Variants in APP observed in about 807,000 individuals in gnomAD.
APP encodes the protein amyloid beta precursor protein, also known as amyloid-beta precursor protein.
A neutral mutation model predicts 101.4 loss-of-function variants in APP; 31 were observed. That is an observed-to-expected ratio of 0.31 (90% CI 0.23 to 0.41). APP has a LOEUF of 0.41. Among genes scored for constraint, APP ranks in the 10% least tolerant of loss-of-function variants. The pLI, the probability that APP is intolerant of heterozygous loss-of-function variation, is 1.00. For synonymous variants in APP, 366 were observed against 364.4 expected (o/e 1.00, Z -0.05); for missense variants, 839 against 1,003.7 (o/e 0.84, Z 2.22).
intron 2 of APP, among the ~76,000 whole-genome samples, chr21:26,099,518 A>G (rs1011859032): frequency 6.6e-6 from 1 of 152,244 alleles, no homozygotes; most frequent in African/African-American, 2.4e-5. Flanking sequence ...TTCAAAGAGT[A>G]TATTAATCAT....
At chr21:25,927,998 T>G (rs2039972142) in intron 13 of APP, among the ~76,000 whole-genome samples, 1 of 152,078 alleles carries the variant, frequency 6.6e-6, no homozygotes, top group Non-Finnish European at 1.5e-5. Context: ...TCCAACTACA[T>G]TAGGGAGTCT....
At chr21:26,012,574 G>GA (rs2043856538) in intron 6 of APP, among the ~76,000 whole-genome samples, 1 of 152,182 alleles carries the variant, frequency 6.6e-6, no homozygotes, top group South Asian at 2.1e-4. Context: ...TCTGCTTTTG[G>GA]AAACTCATTG....
intron 3 of APP, among the ~76,000 whole-genome samples, chr21:26,062,158 C>G (rs1231321171): frequency 6.6e-6 from 1 of 151,352 alleles, no homozygotes; most frequent in Non-Finnish European, 1.5e-5. Flanking sequence ...TGCAGTGAGC[C>G]AAGATCACAC....
intron 11 of APP, among the ~76,000 whole-genome samples, chr21:25,967,640 T>G (rs1455198358): frequency 1.3e-5 from 2 of 152,208 alleles, no homozygotes; most frequent in Non-Finnish European, 2.9e-5. Flanking sequence ...AGGATCACAT[T>G]AAGTCTAATT....
intron 1 of APP, among the ~76,000 whole-genome samples, chr21:26,118,506 A>G (rs926846131): frequency 9.9e-5 from 15 of 152,152 alleles, no homozygotes; most frequent in Non-Finnish European, 1.6e-4. Context: ...GAGATGTAAA[A>G]AGTTCATCTC....
At chr21:26,026,494 G>A (rs915739758) in intron 5 of APP, among the ~76,000 whole-genome samples, 8 of 152,168 alleles carry the variant, frequency 5.3e-5, no homozygotes, top group Non-Finnish European at 1.2e-4. Flanking sequence ...AGCTGACCTT[G>A]ATATAATTCC....
chr21:25,979,101 G>C (rs2042329199), intron 9 of APP, among the ~76,000 whole-genome samples: 1 of 152,034 alleles, frequency 6.6e-6, no homozygotes, highest in Non-Finnish European at 1.5e-5. Context: ...CTAGATGCTA[G>C]TCACGACATA....
chr21:25,948,957 T>A (rs1024629413), intron 13 of APP, among the ~76,000 whole-genome samples: 11 of 152,200 alleles, frequency 7.2e-5, no homozygotes, highest in Non-Finnish European at 1.5e-4. Context: ...GAAATAATGA[T>A]TCCATCGTTT....
intron 3 of APP, among the ~76,000 whole-genome samples, chr21:26,056,742 A>G (rs2046057972): frequency 6.6e-6 from 1 of 152,220 alleles, no homozygotes; most frequent in Non-Finnish European, 1.5e-5. Flanking sequence ...ATGGTTTTTT[A>G]AAGGATTAAA....
chr21:25,988,702 C>CAAAAAAAAAA (rs537417600), intron 8 of APP, among the ~76,000 whole-genome samples: 1,191 of 62,136 alleles, frequency 0.019, 72 homozygotes, highest in African/African-American at 0.048. Context: ...AACTCTGTCT[C>CAAAAAAAAAA]AAAAAAAAAA....
At chr21:26,160,165 TC>T (rs2063461809) in intron 1 of APP, among the ~76,000 whole-genome samples, 1 of 152,042 alleles carries the variant, frequency 6.6e-6, no homozygotes, top group Non-Finnish European at 1.5e-5. Flanking sequence ...CCTCAGGAAT[TC>T]CCCCCTCTCC....
At chr21:25,964,942 G>A (rs1447904642) in intron 11 of APP, among the ~76,000 whole-genome samples, 1 of 151,978 alleles carries the variant, frequency 6.6e-6, no homozygotes, top group African/African-American at 2.4e-5. Context: ...TTTTTTCCAG[G>A]GTATTTTGCT....
At chr21:25,939,077 C>T (rs2040471102) in intron 13 of APP, among the ~76,000 whole-genome samples, 1 of 152,202 alleles carries the variant, frequency 6.6e-6, no homozygotes, top group Non-Finnish European at 1.5e-5. Context: ...TGAGGAACTC[C>T]TTGGGCCTTG....
intron 8 of APP, among the ~76,000 whole-genome samples, chr21:25,986,688 G>A (rs1173873676): frequency 2.6e-5 from 4 of 152,108 alleles, no homozygotes; most frequent in East Asian, 1.9e-4. Context: ...CTACAAGAGC[G>A]AAACTCCGTC....
intron 1 of APP, among the ~76,000 whole-genome samples, chr21:26,168,027 G>T (rs1274200114): frequency 6.6e-6 from 1 of 151,750 alleles, no homozygotes; most frequent in Non-Finnish European, 1.5e-5. Flanking sequence ...CTACCACAAA[G>T]GTAAGATGAT....
chr21:26,070,101 A>G (rs1485491388), intron 3 of APP, among the ~76,000 whole-genome samples: 4 of 152,164 alleles, frequency 2.6e-5, no homozygotes, highest in African/African-American at 9.6e-5. Context: ...TAATAGAATA[A>G]CAAATAAAGT....
chr21:26,101,623 G>A (rs2062059966), intron 2 of APP, among the ~76,000 whole-genome samples: 1 of 152,172 alleles, frequency 6.6e-6, no homozygotes, highest in African/African-American at 2.4e-5. Context: ...AGGATATCAT[G>A]AATGAGGGGA....
intron 1 of APP, among the ~76,000 whole-genome samples, chr21:26,143,458 T>C (rs2063091073): frequency 6.6e-6 from 1 of 152,234 alleles, no homozygotes; most frequent in African/African-American, 2.4e-5. Flanking sequence ...TTATGTATAT[T>C]CAATGTATAC....
intron 3 of APP, among the ~76,000 whole-genome samples, chr21:26,060,268 A>G (rs1052005551): frequency 6.6e-6 from 1 of 152,220 alleles, no homozygotes; most frequent in Non-Finnish European, 1.5e-5. Context: ...ACTGTTTTAC[A>G]TGTGAGTACT....
Sources: allele counts gnomAD v4.1 joint callset (sites outside exome capture counted in the v4.1 genomes callset), GRCh38; gene constraint gnomAD v4.1.1; transcripts MANE v1.5; gene names NCBI Gene and HGNC (gene_info 2026-07-23, HGNC 2026-07-21).